AK9: variants seen among roughly 807,000 people sequenced by gnomAD.
The protein encoded by AK9 is adenylate kinase 9.
Under a neutral mutation model 239.6 loss-of-function variants are expected in AK9, and 191 were observed. The observed-to-expected ratio is 0.80, with a 90% CI of 0.71 to 0.90. The LOEUF is 0.90. Among genes scored for constraint, AK9 ranks in the 40% least tolerant of loss-of-function variants. The pLI, the probability that AK9 is intolerant of heterozygous loss-of-function variation, is 0.00. For missense variants in AK9, 1,995 were observed against 2,214.7 expected (o/e 0.90, Z 1.99); for synonymous variants, 689 against 721.0 (o/e 0.96, Z 0.71).
chr6:109,521,707 G>T (rs576392078), intron 29 of AK9, among the ~76,000 whole-genome samples: 1 of 152,160 alleles, frequency 6.6e-6, no homozygotes, highest in African/African-American at 2.4e-5. Context: ...GCTGGAGTTA[G>T]TAATACAAGG....
intron 17 of AK9, among the ~76,000 whole-genome samples, chr6:109,597,853 C>T (rs1791268359): frequency 6.6e-6 from 1 of 152,000 alleles, no homozygotes; most frequent in Non-Finnish European, 1.5e-5. Flanking sequence ...GAAAGTACAA[C>T]TTGGAAGAGG....
At chr6:109,524,356 G>T (rs1188425706) in intron 29 of AK9, among the ~76,000 whole-genome samples, 1 of 152,100 alleles carries the variant, frequency 6.6e-6, no homozygotes, top group Non-Finnish European at 1.5e-5. Context: ...TATAACTGGG[G>T]TACTATAAGG....
intron 8 of AK9, among the ~76,000 whole-genome samples, chr6:109,647,898 C>T (rs1056348480): frequency 4.5e-4 from 68 of 152,146 alleles, no homozygotes; most frequent in Admixed American, 2.2e-3. Flanking sequence ...TCTCTCAGAC[C>T]ACAGTGCAAT....
At chr6:109,665,945 G>T (rs1801126981) in intron 5 of AK9, among the ~76,000 whole-genome samples, 1 of 152,202 alleles carries the variant, frequency 6.6e-6, no homozygotes, top group Non-Finnish European at 1.5e-5. Context: ...AGCTTGTCAG[G>T]CATTCCACGT....
At position 109,614,401 on chromosome 6, in the gene AK9, T is replaced by C; in HGVS notation, c.1479A>G (p.Ser493=). The change falls in exon 14 of 41, where the codon TCA becomes TCG. Residue 493 remains serine, a synonymous_variant. Transcript: ENST00000424296. ...FGVFPMEATH[S]SIDEEGYIQG... The stretch of plus-strand genomic sequence containing the variant: ...TTTCTTTACCTTCTTCATCAATTGA[T>C]GAGTGTGTTGCCTCCATTGGGAATA... 1.3e-6 allele frequency: 2 copies of C among 1,551,292 alleles called. No individual in the cohort carries two copies. The highest frequency in any genetic ancestry group is 2.7e-5 in the African/African-American group (2 of 73,154).
intron 10 of AK9, among the ~76,000 whole-genome samples, chr6:109,637,018 A>G (rs1796802780): frequency 6.6e-6 from 1 of 152,142 alleles, no homozygotes; most frequent in African/African-American, 2.4e-5. Context: ...ACATCCCCAC[A>G]AACAATGCAA....
intron 33 of AK9, among the ~76,000 whole-genome samples, chr6:109,508,097 A>C (rs956215722): frequency 1.3e-5 from 2 of 152,312 alleles, no homozygotes; most frequent in African/African-American, 4.8e-5. Flanking sequence ...TCATTGCTTA[A>C]ACTCCTTTGA....
chr6:109,670,485 T>C (rs1770690866), intron 5 of AK9, among the ~76,000 whole-genome samples: 1 of 152,202 alleles, frequency 6.6e-6, no homozygotes, highest in Non-Finnish European at 1.5e-5. Context: ...TGAGTGGTAA[T>C]GTGGAAGCAT....
At chr6:109,687,175 A>C (rs1773629387) in intron 1 of AK9, among the ~76,000 whole-genome samples, 1 of 152,220 alleles carries the variant, frequency 6.6e-6, no homozygotes, top group Admixed American at 6.5e-5. Context: ...GCAGAGCTTT[A>C]AGCAGTATTC....
intron 9 of AK9, 60 bp downstream of exon 9, chr6:109,644,554 A>C (rs1562540259): frequency 7.1e-7 from 1 of 1,399,366 alleles, no homozygotes; most frequent in Admixed American, 2.1e-5. Context: ...GAAGTACAAT[A>C]CTGTCAATAG....
chr6:109,687,982 C>G (rs1336250626), intron 1 of AK9, among the ~76,000 whole-genome samples: 1 of 152,152 alleles, frequency 6.6e-6, no homozygotes, highest in Non-Finnish European at 1.5e-5. Flanking sequence ...TTCTGGTCAC[C>G]TCAATGCTTG....
At chr6:109,613,793 A>G (rs1283880529) in intron 15 of AK9, among the ~76,000 whole-genome samples, 2 of 151,964 alleles carry the variant, frequency 1.3e-5, no homozygotes, top group South Asian at 2.1e-4. Flanking sequence ...GAAAAATTTT[A>G]TAAGGATAAA....
intron 27 of AK9, among the ~76,000 whole-genome samples, chr6:109,540,454 G>A (rs1167692495): frequency 6.6e-6 from 1 of 152,182 alleles, no homozygotes. Flanking sequence ...CATTGGAAAA[G>A]CACAGTATTA....
chr6:109,512,476 A>G (rs1383144348), intron 32 of AK9, among the ~76,000 whole-genome samples: 1 of 152,196 alleles, frequency 6.6e-6, no homozygotes, highest in Non-Finnish European at 1.5e-5. Context: ...TTCTTGCACG[A>G]GATCCAAGAA....
rs538606987 is a variant in AK9, at chr6:109,634,658, A to G, written c.934-1335T>C. 9.8e-5 allele frequency among the ~76,000 whole-genome samples: 15 copies of G among 152,302 alleles called. 1 individual carries two copies. The South Asian group carries it at 3.1e-3, about 32-fold the overall frequency. ...TGTTCCCAAGTGAGAGCTGGAAGTG[A>G]TAGTAAATATTAAGGAAACTGTCAA... On this transcript the variant is annotated intron_variant, in intron 10 of 40. Transcript: ENST00000424296.
chr6:109,543,603 A>G (rs1335201709), intron 26 of AK9, among the ~76,000 whole-genome samples: 1 of 151,962 alleles, frequency 6.6e-6, no homozygotes, highest in Non-Finnish European at 1.5e-5. Context: ...ATGTGTCACC[A>G]CGCCTGGCTA....
intron 1 of AK9, among the ~76,000 whole-genome samples, chr6:109,679,682 G>A (rs961882646): frequency 2.6e-5 from 4 of 152,164 alleles, no homozygotes; most frequent in Admixed American, 6.5e-5. Flanking sequence ...AGCAGGGGCC[G>A]ACAGACACCT....
At chr6:109,597,900 A>G (rs749897934) in intron 17 of AK9, among the ~76,000 whole-genome samples, 45 of 152,038 alleles carry the variant, frequency 3.0e-4, no homozygotes, top group Non-Finnish European at 5.4e-4. Flanking sequence ...GTGCCTAAAC[A>G]TTTTCAATGA....
At chr6:109,662,205 G>C (rs1243643597) in intron 6 of AK9, among the ~76,000 whole-genome samples, 1 of 152,194 alleles carries the variant, frequency 6.6e-6, no homozygotes, top group Non-Finnish European at 1.5e-5. Flanking sequence ...ATGGTCATCA[G>C]AGAAGGATTT....
Sources: allele counts gnomAD v4.1 joint callset (sites outside exome capture counted in the v4.1 genomes callset), GRCh38; gene constraint gnomAD v4.1.1; transcripts MANE v1.5; gene names NCBI Gene and HGNC (gene_info 2026-07-23, HGNC 2026-07-21).